The following GRIK2 variants were observed in gnomAD, a reference collection of about 807,000 sequenced individuals.
GRIK2 encodes glutamate ionotropic receptor kainate type subunit 2.
Under a neutral mutation model 100.3 loss-of-function variants are expected in GRIK2, and 32 were observed. That is an observed-to-expected ratio of 0.32 (90% CI 0.24 to 0.43). The LOEUF is 0.43. Among genes scored for constraint, GRIK2 ranks in the 20% least tolerant of loss-of-function variants. The pLI is 1.00. For missense variants in GRIK2, 843 were observed against 1,114.9 expected, an observed-to-expected ratio of 0.76 and a Z score of 3.47; for synonymous variants, 417 against 389.4, an observed-to-expected ratio of 1.07 and a Z score of -0.83.
intron 16 of GRIK2, among the ~76,000 whole-genome samples, chr6:102,067,137 CAT>C (rs1245663896): frequency 6.6e-6 from 1 of 151,470 alleles, no homozygotes; most frequent in Non-Finnish European, 1.5e-5. Flanking sequence ...TTTAAGTTAA[CAT>C]ATAAAATTGT....
intron 15 of GRIK2, among the ~76,000 whole-genome samples, chr6:102,046,507 C>T (rs1182020068): frequency 1.3e-5 from 2 of 152,020 alleles, no homozygotes; most frequent in South Asian, 2.1e-4. Flanking sequence ...CAACCTGCAC[C>T]CACTGCCACC....
chr6:101,427,836 C>T (rs1264965089), intron 2 of GRIK2, among the ~76,000 whole-genome samples: 1 of 152,126 alleles, frequency 6.6e-6, no homozygotes, highest in African/African-American at 2.4e-5. Context: ...TATTCATTCA[C>T]TGAATAAATG....
chr6:101,596,322 C>T (rs1434207509), intron 2 of GRIK2, among the ~76,000 whole-genome samples: 4 of 150,746 alleles, frequency 2.7e-5, no homozygotes, highest in Non-Finnish European at 3.0e-5. Context: ...TTGCTAACAA[C>T]CATCACCTAG....
intron 2 of GRIK2, among the ~76,000 whole-genome samples, chr6:101,501,936 T>C (rs1343910723): frequency 6.6e-6 from 1 of 152,108 alleles, no homozygotes; most frequent in East Asian, 1.9e-4. Context: ...TTTGTGTTTT[T>C]AGTAGAGATG....
chr6:101,793,431 G>C (rs182059003), intron 7 of GRIK2, among the ~76,000 whole-genome samples: 1 of 152,150 alleles, frequency 6.6e-6, no homozygotes, highest in Non-Finnish European at 1.5e-5. Flanking sequence ...TAACAGACAG[G>C]ACCCTCAGCT....
In GRIK2 at chr6:101,562,531, T is replaced by C. The variant is rs143277664; in HGVS notation, c.116-59418T>C. On this transcript the variant is annotated intron_variant, in intron 2 of 16. Coordinates refer to ENST00000369134, the MANE Select transcript of GRIK2 (RefSeq NM_021956.5). The stretch of plus-strand genomic sequence containing the variant: ...TTTTTGTAGTTTTTTTTAGTAGATA[T>C]GGGGTTTCTTCATGTTGGCCAGGCT... Among the ~76,000 whole-genome samples the C allele has an allele frequency of 7.2e-5, 11 of 151,868 alleles. No homozygotes were observed. The East Asian group carries it at 1.8e-3, about 24-fold the overall frequency.
At chr6:101,642,877 G>A (rs557049574) in intron 4 of GRIK2, among the ~76,000 whole-genome samples, 11 of 151,530 alleles carry the variant, frequency 7.3e-5, no homozygotes, top group African/African-American at 2.2e-4. Flanking sequence ...TAACTTATCC[G>A]TATCCTCACT....
chr6:101,709,209 G>A (rs1267665228), intron 7 of GRIK2, among the ~76,000 whole-genome samples: 3 of 151,602 alleles, frequency 2.0e-5, no homozygotes, highest in Non-Finnish European at 2.9e-5. Context: ...AGTAGTAGCT[G>A]GCAAAACACC....
chr6:101,473,381 T>C (rs1334249338), intron 2 of GRIK2, among the ~76,000 whole-genome samples: 1 of 151,740 alleles, frequency 6.6e-6, no homozygotes, highest in Non-Finnish European at 1.5e-5. Flanking sequence ...TTCTTATATG[T>C]TTCCCTATTT....
chr6:101,810,051 C>G (rs1334868373), intron 9 of GRIK2, among the ~76,000 whole-genome samples: 2 of 150,530 alleles, frequency 1.3e-5, no homozygotes, highest in East Asian at 4.0e-4. Flanking sequence ...TGGCTTTTTT[C>G]TTTTAACCAC....
At chr6:101,415,783 A>C (rs1776114972) in intron 2 of GRIK2, among the ~76,000 whole-genome samples, 1 of 152,160 alleles carries the variant, frequency 6.6e-6, no homozygotes, top group Admixed American at 6.5e-5. Flanking sequence ...CCTGAATTTG[A>C]AACTGGCTCT....
chr6:101,416,040 C>A (rs1297309221), intron 2 of GRIK2, among the ~76,000 whole-genome samples: 1 of 152,150 alleles, frequency 6.6e-6, no homozygotes, highest in Non-Finnish European at 1.5e-5. Context: ...ACAGAAAGTA[C>A]TTGATTTCTG....
At chr6:101,729,690 G>A (rs1441799904) in intron 7 of GRIK2, among the ~76,000 whole-genome samples, 2 of 147,424 alleles carry the variant, frequency 1.4e-5, no homozygotes, top group Non-Finnish European at 1.5e-5. Context: ...CGTGGTGTGG[G>A]AAGAGAGAGA....
At chr6:101,825,905 G>T (rs1291160229) in intron 10 of GRIK2, among the ~76,000 whole-genome samples, 2 of 152,006 alleles carry the variant, frequency 1.3e-5, no homozygotes, top group East Asian at 3.9e-4. Context: ...ACCTTGAACT[G>T]AGATTCAAAT....
At chr6:101,635,079 C>T (rs185727283) in intron 4 of GRIK2, among the ~76,000 whole-genome samples, 1 of 152,080 alleles carries the variant, frequency 6.6e-6, no homozygotes, top group African/African-American at 2.4e-5. Context: ...TATTATGAAG[C>T]ATACAATCAA....
intron 14 of GRIK2, among the ~76,000 whole-genome samples, chr6:101,932,916 G>A (rs749913057): frequency 1.3e-4 from 19 of 151,854 alleles, no homozygotes; most frequent in Non-Finnish European, 2.2e-4. Context: ...TTCTACACCA[G>A]GGTGACAGTG....
At chr6:101,469,764 T>C (rs1047592044) in intron 2 of GRIK2, among the ~76,000 whole-genome samples, 3 of 152,180 alleles carry the variant, frequency 2.0e-5, no homozygotes, top group Admixed American at 6.5e-5. Context: ...TTCTATTTTA[T>C]CCTGTGCCAT....
At chr6:101,946,123 A>G (rs1791261549) in intron 14 of GRIK2, among the ~76,000 whole-genome samples, 1 of 152,118 alleles carries the variant, frequency 6.6e-6, no homozygotes, top group Admixed American at 6.6e-5. Flanking sequence ...CATAATTTGT[A>G]TAACATTAGG....
intron 5 of GRIK2, among the ~76,000 whole-genome samples, chr6:101,678,533 G>A (rs1288016949): frequency 6.6e-6 from 1 of 152,028 alleles, no homozygotes; most frequent in African/African-American, 2.4e-5. Flanking sequence ...CCACAAATAT[G>A]GTGGTGTTAT....
Sources: allele counts gnomAD v4.1 joint callset (sites outside exome capture counted in the v4.1 genomes callset), GRCh38; gene constraint gnomAD v4.1.1; transcripts MANE v1.5; gene names NCBI Gene and HGNC (gene_info 2026-07-23, HGNC 2026-07-21).